Variants in ANKRD44 observed in about 807,000 individuals in gnomAD.
ANKRD44 encodes serine/threonine-protein phosphatase 6 regulatory ankyrin repeat subunit B.
In ANKRD44, 35 loss-of-function variants were observed where a neutral mutation model predicts 116.0. The observed-to-expected ratio is 0.30, with a 90% CI of 0.23 to 0.40. The LOEUF (loss-of-function observed/expected upper bound fraction) is 0.40, where lower values mean the gene tolerates loss of function less well. Ranked by LOEUF, ANKRD44 falls within the 10% of genes least tolerant of loss-of-function variation. The pLI is 1.00. For missense variants in ANKRD44, 1,014 were observed against 1,242.6 expected (o/e 0.82, Z 2.77); for synonymous variants, 435 against 461.8 (o/e 0.94, Z 0.74).
intron 2 of ANKRD44, among the ~76,000 whole-genome samples, chr2:197,160,594 C>T (rs1196867680): frequency 6.6e-6 from 1 of 152,108 alleles, no homozygotes; most frequent in East Asian, 1.9e-4. Flanking sequence ...TCGGGCCTTC[C>T]ATTCTTTATC....
intron 1 of ANKRD44, among the ~76,000 whole-genome samples, chr2:197,237,454 T>C (rs566653878): frequency 2.0e-5 from 3 of 152,362 alleles, no homozygotes; most frequent in African/African-American, 7.2e-5. Context: ...GCTACACTGC[T>C]GAACTCCTTC....
At chr2:197,083,029 G>GT (rs1420064427) in intron 14 of ANKRD44, among the ~76,000 whole-genome samples, 7 of 152,202 alleles carry the variant, frequency 4.6e-5, no homozygotes, top group Non-Finnish European at 7.3e-5. Flanking sequence ...ATTAGCAAAT[G>GT]TAAGTTTTAT....
At chr2:197,159,168 T>C (rs993770799) in intron 2 of ANKRD44, among the ~76,000 whole-genome samples, 3 of 152,240 alleles carry the variant, frequency 2.0e-5, no homozygotes, top group Non-Finnish European at 4.4e-5. Context: ...CAAAAGCTTA[T>C]ATATAGAACA....
chr2:196,979,558 T>C (rs1402497636), intron 21 of ANKRD44, among the ~76,000 whole-genome samples: 1 of 133,646 alleles, frequency 7.5e-6, no homozygotes, highest in Non-Finnish European at 1.6e-5. Context: ...AGATGACTTT[T>C]TTTTTTTTTT....
chr2:197,027,274 A>G (rs1300005891), intron 16 of ANKRD44, among the ~76,000 whole-genome samples: 1 of 152,084 alleles, frequency 6.6e-6, no homozygotes, highest in Non-Finnish European at 1.5e-5. Context: ...AGGTGGGAGG[A>G]CGGCTTTAGC....
At chr2:197,291,504 C>T (rs556579840) in intron 1 of ANKRD44, among the ~76,000 whole-genome samples, 1 of 151,764 alleles carries the variant, frequency 6.6e-6, no homozygotes, top group East Asian at 2.0e-4. Context: ...AGCAAGACTC[C>T]ATCTCAAAAA....
chr2:196,995,336 C>T (rs768463627), intron 26 of ANKRD44, 43 bp downstream of exon 26: 5 of 1,419,524 alleles, frequency 3.5e-6, no homozygotes, highest in Non-Finnish European at 4.9e-6. Flanking sequence ...GAATAAATGA[C>T]TATGACCCTG....
At chr2:197,301,022 G>A (rs2083892490) in intron 1 of ANKRD44, 1 of 151,998 alleles carries the variant, frequency 6.6e-6, no homozygotes, top group African/African-American at 2.4e-5. Context: ...CCTGACCTCA[G>A]GTGAGCCATC....
intron 24 of ANKRD44, 132 bp downstream of exon 24, chr2:196,998,775 A>G (rs778357019): frequency 8.0e-7 from 1 of 1,245,276 alleles, no homozygotes; most frequent in Non-Finnish European, 1.1e-6. Context: ...AGGTAGAATC[A>G]GGTGACTTAA....
chr2:196,986,761 T>C lies in ANKRD44; in HGVS notation c.*2830A>G, dbSNP rs1193702426. On this transcript the variant is annotated 3_prime_UTR_variant, in exon 28 of 28. Coordinates refer to ENST00000282272, the MANE Select transcript of ANKRD44 (RefSeq NM_001195144.2). The stretch of plus-strand genomic sequence containing the variant: ...AGTACTTCATTACGTTATTAGAGCA[T>C]TCAGTAGTTGCAAAAGTATTAAACT... 1.0e-6 allele frequency: 1 copy of C among 984,170 alleles called. No homozygotes were observed. The highest frequency in any genetic ancestry group is 1.1e-4 in the East Asian group (1 of 8,826). The allele number at this position is 984,170 out of a possible 1,614,324, so 61.0% of individuals were successfully genotyped here. A position where few individuals can be genotyped will look rare whatever the true frequency, so the allele number is the denominator to read the frequency against.
chr2:197,089,851 A>T, intron 11 of ANKRD44, 99 bp downstream of exon 11: 1 of 979,824 alleles, frequency 1.0e-6, no homozygotes, highest in African/African-American at 1.6e-5. Flanking sequence ...AGGTAATGAC[A>T]TGAAGCACAG....
At position 197,261,218 on chromosome 2, in the gene ANKRD44, A is replaced by G. The variant is rs368866979; in HGVS notation, c.27+49360T>C. Among the ~76,000 whole-genome samples, 140 of 151,604 alleles carry G rather than the reference A, an allele frequency of 9.2e-4. 1 individual carries two copies. The highest frequency in any genetic ancestry group is 3.3e-3 in the African/African-American group (135 of 41,336). On this transcript the variant is annotated intron_variant, in intron 1 of 27. Coordinates refer to ENST00000282272, the MANE Select transcript of ANKRD44 (RefSeq NM_001195144.2). ...GGGTTTTTATGGTTTTAGGTCTAACATTTAAGTCTTTAATCCATCTTGAAT... is the reference window on the plus strand; with the variant it reads ...GGGTTTTTATGGTTTTAGGTCTAACGTTTAAGTCTTTAATCCATCTTGAAT...
intron 2 of ANKRD44, among the ~76,000 whole-genome samples, chr2:197,155,623 A>AT (rs2079789857): frequency 6.6e-6 from 1 of 152,240 alleles, no homozygotes. Context: ...GAACAATGAG[A>AT]TATTAAACTT....
At chr2:197,028,136 A>G (rs2076633535) in intron 16 of ANKRD44, among the ~76,000 whole-genome samples, 1 of 152,230 alleles carries the variant, frequency 6.6e-6, no homozygotes, top group Non-Finnish European at 1.5e-5. Flanking sequence ...AAAAAATAAT[A>G]ACTAGCAATA....
intron 1 of ANKRD44, among the ~76,000 whole-genome samples, chr2:197,289,489 G>T (rs2083501076): frequency 6.6e-6 from 1 of 152,190 alleles, no homozygotes; most frequent in South Asian, 2.1e-4. Context: ...ATCAACAGAT[G>T]AATGGATGAA....
intron 16 of ANKRD44, among the ~76,000 whole-genome samples, chr2:197,062,028 G>A (rs368405996): frequency 1.6e-3 from 237 of 152,300 alleles, no homozygotes; most frequent in African/African-American, 5.2e-3. Context: ...TGATCCACCC[G>A]CCTCGGCCTC....
intron 1 of ANKRD44, among the ~76,000 whole-genome samples, chr2:197,205,725 G>A (rs1428846968): frequency 2.0e-5 from 3 of 152,180 alleles, no homozygotes; most frequent in African/African-American, 4.8e-5. Context: ...TAGAGAGGAG[G>A]AAGAAAAGTA....
At chr2:197,011,860 A>C (rs983420076) in intron 18 of ANKRD44, among the ~76,000 whole-genome samples, 2 of 152,002 alleles carry the variant, frequency 1.3e-5, no homozygotes, top group Non-Finnish European at 2.9e-5. Context: ...TTTTCCCCAA[A>C]TTGCCTTCTA....
intron 1 of ANKRD44, among the ~76,000 whole-genome samples, chr2:197,283,863 G>C (rs780365574): frequency 1.3e-5 from 2 of 152,154 alleles, no homozygotes; most frequent in Non-Finnish European, 2.9e-5. Flanking sequence ...TCTGATAAAG[G>C]AGGGGTTTGA....
Sources: allele counts gnomAD v4.1 joint callset (sites outside exome capture counted in the v4.1 genomes callset), GRCh38; gene constraint gnomAD v4.1.1; transcripts MANE v1.5; gene names NCBI Gene and HGNC (gene_info 2026-07-23, HGNC 2026-07-21).